The following PTPRD variants were observed in gnomAD, a reference collection of about 807,000 sequenced individuals.
PTPRD encodes the protein receptor-type tyrosine-protein phosphatase delta.
In PTPRD, 34 loss-of-function variants were observed where a neutral mutation model predicts 214.5. The ratio of observed to expected loss-of-function variants is 0.16; its 90% CI spans 0.12 to 0.21. The LOEUF (loss-of-function observed/expected upper bound fraction) is 0.21. PTPRD is among the 10% of genes least tolerant of loss of function. The pLI is 1.00. For missense variants in PTPRD, 2,545 were observed against 2,398.7 expected (o/e 1.06, Z -1.27); for synonymous variants, 1,128 against 845.7 (o/e 1.33, Z -5.79).
chr9:10,025,653 T>G (rs1233064113), intron 4 of PTPRD, among the ~76,000 whole-genome samples: 1 of 152,168 alleles, frequency 6.6e-6, no homozygotes, highest in Non-Finnish European at 1.5e-5. Context: ...CTGAGAAACT[T>G]TTTAAAAAAT....
intron 7 of PTPRD, among the ~76,000 whole-genome samples, chr9:9,652,637 G>A (rs919543691): frequency 7.0e-5 from 10 of 143,530 alleles, no homozygotes; most frequent in Non-Finnish European, 1.5e-4. Context: ...TTTTTGAGAT[G>A]TAGTTTCACT....
intron 10 of PTPRD, among the ~76,000 whole-genome samples, chr9:9,081,754 C>T (rs2099759381): frequency 6.6e-6 from 1 of 150,838 alleles, no homozygotes; most frequent in Admixed American, 6.6e-5. Context: ...ATGTAGTGCC[C>T]TTCTTTGTCT....
chr9:8,836,481 A>C (rs972633273), intron 11 of PTPRD, among the ~76,000 whole-genome samples: 1 of 152,038 alleles, frequency 6.6e-6, no homozygotes, highest in Non-Finnish European at 1.5e-5. Context: ...TATACCAACA[A>C]AATCCATCCT....
chr9:10,105,344 G>GT (rs936459324), intron 3 of PTPRD, among the ~76,000 whole-genome samples: 18 of 151,872 alleles, frequency 1.2e-4, no homozygotes, highest in Admixed American at 5.3e-4. Context: ...TTATGGTACT[G>GT]TTTTTATGAT....
chr9:9,189,081 A>C (rs533499913), intron 9 of PTPRD, among the ~76,000 whole-genome samples: 1 of 152,200 alleles, frequency 6.6e-6, no homozygotes, highest in South Asian at 2.1e-4. Flanking sequence ...GTATCAGAAG[A>C]GATGGGAATA....
intron 10 of PTPRD, among the ~76,000 whole-genome samples, chr9:9,158,776 T>A (rs756810992): frequency 6.6e-6 from 1 of 152,148 alleles, no homozygotes; most frequent in Non-Finnish European, 1.5e-5. Context: ...TACAGGCTAA[T>A]ATTGCAGATG....
intron 5 of PTPRD, among the ~76,000 whole-genome samples, chr9:9,930,709 T>A (rs1385098720): frequency 6.6e-6 from 1 of 152,116 alleles, no homozygotes; most frequent in East Asian, 1.9e-4. Flanking sequence ...GACACAAATA[T>A]AATATTTAAA....
chr9:9,218,789 T>C (rs1050618581), intron 9 of PTPRD, among the ~76,000 whole-genome samples: 1 of 152,102 alleles, frequency 6.6e-6, no homozygotes, highest in East Asian at 1.9e-4. Flanking sequence ...TCCACTGTCA[T>C]GAATGCCCGG....
intron 8 of PTPRD, among the ~76,000 whole-genome samples, chr9:9,456,516 C>T (rs890202252): frequency 6.6e-6 from 1 of 151,728 alleles, no homozygotes; most frequent in East Asian, 1.9e-4. Flanking sequence ...AAAACCCAAA[C>T]CAAACCAGAT....
chr9:9,082,101 A>C (rs112885580), intron 10 of PTPRD, among the ~76,000 whole-genome samples: 8 of 128,358 alleles, frequency 6.2e-5, no homozygotes, highest in African/African-American at 2.5e-4. Context: ...CTCCTCCCTA[A>C]CTCATTTTAT....
chr9:9,043,170 C>A (rs980836135), intron 10 of PTPRD, among the ~76,000 whole-genome samples: 1 of 152,156 alleles, frequency 6.6e-6, no homozygotes. Flanking sequence ...ATAAATTTTA[C>A]ATACTTCTGT....
chr9:9,275,197 T>TA, intron 9 of PTPRD, among the ~76,000 whole-genome samples: 1 of 7,480 alleles, frequency 1.3e-4, no homozygotes, highest in South Asian at 1.9e-3. Context: ...TATATATATA[T>TA]ATTATATATA....
chr9:8,788,641 G>C lies in PTPRD; in HGVS notation c.-103-54695C>G, dbSNP rs148191074. ...AAATCAGCAAAGGAAAAGTTATGGA[G>C]GAAAATCAAAACAAACATCTACACT... On this transcript the variant is annotated intron_variant, in intron 11 of 45. Transcript: ENST00000381196. Among the ~76,000 whole-genome samples, 423 of 150,696 alleles carry C rather than the reference G, an allele frequency of 2.8e-3. 2 individuals carry two copies. Among genetic ancestry groups the C allele is most frequent in the African/African-American group, 9.9e-3 (406 of 40,990 alleles).
intron 2 of PTPRD, among the ~76,000 whole-genome samples, chr9:10,486,441 C>A (rs1036042065): frequency 3.3e-5 from 5 of 152,108 alleles, no homozygotes; most frequent in African/African-American, 4.8e-5. Flanking sequence ...ATAGGAGATT[C>A]TCTCCCCATT....
At chr9:10,168,467 C>T (rs2099173638) in intron 3 of PTPRD, among the ~76,000 whole-genome samples, 1 of 152,184 alleles carries the variant, frequency 6.6e-6, no homozygotes, top group Non-Finnish European at 1.5e-5. Context: ...CTTTGTGAAA[C>T]CTTGCCTCGG....
In PTPRD at chr9:9,838,362, T is replaced by G. The variant is rs1599309015; in HGVS notation, c.-367-71511A>C. ...TCGCCACACTGACTTCCACAATGGT[T>G]GAACTAGTTTACAGTCCCACCAACA... On this transcript the variant is annotated intron_variant, in intron 5 of 45. Coordinates refer to ENST00000381196, the MANE Select transcript of PTPRD (RefSeq NM_002839.4). 2.6e-5 allele frequency among the ~76,000 whole-genome samples: 4 copies of G among 152,160 alleles called. No homozygotes were observed. In the South Asian group the frequency reaches 8.3e-4, roughly 32 times the overall value.
chr9:10,285,915 C>T (rs1199331737), intron 3 of PTPRD, among the ~76,000 whole-genome samples: 1 of 151,932 alleles, frequency 6.6e-6, no homozygotes, highest in African/African-American at 2.4e-5. Context: ...GCCGGGGTCT[C>T]ATTTTTCTTA....
At chr9:8,401,558 CCTAA>C (rs2092395990) in intron 36 of PTPRD, among the ~76,000 whole-genome samples, 5 of 152,002 alleles carry the variant, frequency 3.3e-5, no homozygotes, top group Non-Finnish European at 7.4e-5. Context: ...TTTTTCCTAG[CCTAA>C]ATAAAATGAC....
At chr9:8,468,522 G>A (rs1283521548) in intron 31 of PTPRD, among the ~76,000 whole-genome samples, 6 of 151,922 alleles carry the variant, frequency 3.9e-5, no homozygotes, top group African/African-American at 9.6e-5. Flanking sequence ...AGAGCAGCCC[G>A]GTAACAAAGG....
Sources: allele counts gnomAD v4.1 joint callset (sites outside exome capture counted in the v4.1 genomes callset), GRCh38; gene constraint gnomAD v4.1.1; transcripts MANE v1.5; gene names NCBI Gene and HGNC (gene_info 2026-07-23, HGNC 2026-07-21).